SPIRE1: variants seen among roughly 807,000 people sequenced by gnomAD.
The protein encoded by SPIRE1 is protein spire homolog 1.
SPIRE1 carries 40 observed loss-of-function variants against 94.1 expected under a neutral mutation model. The observed-to-expected ratio is 0.43, with a 90% CI of 0.33 to 0.55. SPIRE1 has a LOEUF of 0.55. Ranked by LOEUF, SPIRE1 falls within the 20% of genes least tolerant of loss-of-function variation. The pLI is 0.06. For synonymous variants in SPIRE1, 376 were observed against 371.7 expected (o/e 1.01, Z -0.13); for missense variants, 838 against 975.2 (o/e 0.86, Z 1.87).
intron 2 of SPIRE1, among the ~76,000 whole-genome samples, chr18:12,563,437 TC>T (rs1412165571): frequency 6.6e-6 from 1 of 152,148 alleles, no homozygotes; most frequent in African/African-American, 2.4e-5. Context: ...TCCTCCTGCT[TC>T]CACCTCCCAA....
intron 2 of SPIRE1, among the ~76,000 whole-genome samples, chr18:12,565,759 G>A (rs1307938018): frequency 2.3e-5 from 3 of 129,000 alleles, no homozygotes; most frequent in African/African-American, 7.5e-5. Context: ...TTCTTGGCCG[G>A]GCGCGGTGGC....
At chr18:12,623,395 T>C (rs935894601) in intron 2 of SPIRE1, among the ~76,000 whole-genome samples, 8 of 151,930 alleles carry the variant, frequency 5.3e-5, no homozygotes, top group Non-Finnish European at 1.0e-4. Flanking sequence ...CCTCGTGATC[T>C]GCCCGCCTTG....
intron 1 of SPIRE1, among the ~76,000 whole-genome samples, chr18:12,635,763 A>G (rs551126666): frequency 6.6e-6 from 1 of 152,372 alleles, no homozygotes; most frequent in Admixed American, 6.5e-5. Flanking sequence ...GCTGACAAAA[A>G]CATACTTCTT....
intron 1 of SPIRE1, among the ~76,000 whole-genome samples, chr18:12,647,150 T>C (rs2038250411): frequency 6.6e-6 from 1 of 152,112 alleles, no homozygotes; most frequent in Non-Finnish European, 1.5e-5. Flanking sequence ...ACCCTCCATA[T>C]ACCTAATCGA....
intron 16 of SPIRE1, chr18:12,451,064 G>A: frequency 2.6e-6 from 1 of 384,730 alleles, no homozygotes; most frequent in Admixed American, 3.8e-5. Flanking sequence ...ATAAGAGACT[G>A]TCCATTTGAA....
intron 2 of SPIRE1, among the ~76,000 whole-genome samples, chr18:12,615,345 A>AAAATATAT: frequency 5.8e-5 from 1 of 17,244 alleles, no homozygotes; most frequent in African/African-American, 1.2e-4. Context: ...AAAAAAAAAA[A>AAAATATAT]ATATATATAT....
intron 3 of SPIRE1, among the ~76,000 whole-genome samples, chr18:12,542,882 A>G (rs2035049356): frequency 6.6e-6 from 1 of 152,058 alleles, no homozygotes; most frequent in South Asian, 2.1e-4. Context: ...GCTGGAGTGC[A>G]GGGGCACAAT....
chr18:12,581,980 ACC>A (rs1418953518), intron 2 of SPIRE1, among the ~76,000 whole-genome samples: 5 of 152,222 alleles, frequency 3.3e-5, no homozygotes, highest in Non-Finnish European at 5.9e-5. Context: ...ACTGTCTGCA[ACC>A]CTAAAAGGTT....
At chr18:12,489,558 G>C (rs908879934) in intron 8 of SPIRE1, among the ~76,000 whole-genome samples, 1 of 152,086 alleles carries the variant, frequency 6.6e-6, no homozygotes, top group African/African-American at 2.4e-5. Flanking sequence ...ATGTTTAGAA[G>C]AAAACAAATG....
intron 2 of SPIRE1, among the ~76,000 whole-genome samples, chr18:12,561,754 T>C (rs1202659136): frequency 1.3e-5 from 2 of 152,248 alleles, no homozygotes; most frequent in Non-Finnish European, 2.9e-5. Flanking sequence ...AAGTGGGATC[T>C]GGGTCAGAAT....
chr18:12,607,273 G>A (rs1365178743), intron 2 of SPIRE1, among the ~76,000 whole-genome samples: 2 of 151,990 alleles, frequency 1.3e-5, no homozygotes, highest in Non-Finnish European at 2.9e-5. Context: ...TATCTTACAC[G>A]TTTTTCTTTT....
intron 12 of SPIRE1, chr18:12,459,609 C>T (rs1434329809): frequency 2.5e-5 from 8 of 315,410 alleles, no homozygotes; most frequent in Non-Finnish European, 3.2e-5. Context: ...ACGGCATGAT[C>T]GGTGCATCCT....
At chr18:12,611,615 A>C (rs2037143518) in intron 2 of SPIRE1, among the ~76,000 whole-genome samples, 1 of 152,220 alleles carries the variant, frequency 6.6e-6, no homozygotes, top group South Asian at 2.1e-4. Context: ...CCTGACACAC[A>C]GAAACTGAAA....
At chr18:12,538,956 C>A (rs1163530633) in intron 3 of SPIRE1, among the ~76,000 whole-genome samples, 2 of 152,198 alleles carry the variant, frequency 1.3e-5, no homozygotes, top group Non-Finnish European at 2.9e-5. Flanking sequence ...GTCACAGCTA[C>A]CATTTTCTTT....
chr18:12,655,577 T>C (rs1480987356), intron 1 of SPIRE1, among the ~76,000 whole-genome samples: 7 of 152,166 alleles, frequency 4.6e-5, no homozygotes, highest in Admixed American at 4.6e-4. Context: ...TTGCGAATTG[T>C]GGAGAACAAC....
At chr18:12,595,696 A>T (rs967353848) in intron 2 of SPIRE1, among the ~76,000 whole-genome samples, 1 of 152,252 alleles carries the variant, frequency 6.6e-6, no homozygotes, top group Non-Finnish European at 1.5e-5. Context: ...TAAATGAGGC[A>T]TAGTCCTTGC....
chr18:12,463,224 G>T, intron 12 of SPIRE1, 127 bp downstream of exon 12: 2 of 963,436 alleles, frequency 2.1e-6, no homozygotes, highest in Non-Finnish European at 3.0e-6. Flanking sequence ...TAGCTATTAA[G>T]TAAGTTATTC....
rs763444988 is a variant in SPIRE1 at position 12,479,670 on chromosome 18, G to C, written c.1404+29C>G. ...ACAGCATTAAGCACCCTCATCTTGG[G>C]AGTCAAGCTGGGTGAACTGGGGCCT... On this transcript the variant is annotated intron_variant, in intron 10 of 16. Transcript: ENST00000409402. 2.5e-6 allele frequency: 4 copies of C among 1,569,330 alleles called. No individual in the cohort carries two copies. In the South Asian group the frequency reaches 3.6e-5, roughly 14 times the overall value.
rs1173165429 is a variant in SPIRE1, at chr18:12,504,178, AG to A, written c.972+2298del. ...GTTTAGCTTATTAAAATTAACAAGC[AG>A]CTCAAATAGCCACTTAAACCAATTT... On this transcript the variant is annotated intron_variant, in intron 6 of 16. Transcript: ENST00000409402. Among the ~76,000 whole-genome samples the A allele has an allele frequency of 4.1e-5, 6 of 147,744 alleles. 2 individuals are homozygous for A. The highest frequency in any genetic ancestry group is 1.5e-4 in the African/African-American group (6 of 39,388).
Sources: allele counts gnomAD v4.1 joint callset (sites outside exome capture counted in the v4.1 genomes callset), GRCh38; gene constraint gnomAD v4.1.1; transcripts MANE v1.5; gene names NCBI Gene and HGNC (gene_info 2026-07-23, HGNC 2026-07-21).